Variants in PALM2AKAP2 observed in about 807,000 individuals in gnomAD.
PALM2AKAP2 encodes the protein PALM2 and AKAP2 fusion, also known as PALM2-AKAP2 fusion protein.
Under a neutral mutation model 71.5 loss-of-function variants are expected in PALM2AKAP2, and 37 were observed. The ratio of observed to expected loss-of-function variants is 0.52; its 90% CI spans 0.40 to 0.68. The LOEUF (loss-of-function observed/expected upper bound fraction) is 0.68, where lower values mean the gene tolerates loss of function less well. Among genes scored for constraint, PALM2AKAP2 ranks in the 30% least tolerant of loss-of-function variants. The pLI, the probability that PALM2AKAP2 is intolerant of heterozygous loss-of-function variation, is 0.00. For missense variants in PALM2AKAP2, 1,224 were observed against 1,191.8 expected, an observed-to-expected ratio of 1.03 and a Z score of -0.40; for synonymous variants, 468 against 478.8, an observed-to-expected ratio of 0.98 and a Z score of 0.29.
At chr9:109,780,401 C>T, upstream of PALM2AKAP2, 1 of 1,608,106 alleles carries the variant, frequency 6.2e-7, no homozygotes, top group Non-Finnish European at 8.5e-7. Flanking sequence ...TCTAGCAAAG[C>T]CCCCCGGGGT....
intron 1 of PALM2AKAP2, among the ~76,000 whole-genome samples, chr9:110,091,884 C>T (rs1217321421): frequency 6.6e-6 from 1 of 152,150 alleles, no homozygotes; most frequent in Non-Finnish European, 1.5e-5. Context: ...AAGAACAGTT[C>T]CATGATCCCC....
intron 6 of PALM2AKAP2, among the ~76,000 whole-genome samples, chr9:109,994,056 G>C (rs187023295): frequency 2.3e-3 from 346 of 152,266 alleles, no homozygotes; most frequent in African/African-American, 8.2e-3. Flanking sequence ...TCTCCCTTAA[G>C]GGTAAGGACG....
intron 6 of PALM2AKAP2, among the ~76,000 whole-genome samples, chr9:110,007,526 T>C (rs968807702): frequency 6.6e-6 from 1 of 152,226 alleles, no homozygotes; most frequent in Admixed American, 6.5e-5. Context: ...AGGAGGTCTG[T>C]TCCTAAGCTG....
intron 1 of PALM2AKAP2, chr9:110,090,448 T>C (rs115191042): frequency 5.1e-4 from 232 of 456,732 alleles, no homozygotes; most frequent in African/African-American, 4.1e-3. Context: ...TGTGGACTTT[T>C]GCTTGCTGCA....
chr9:109,937,273 G>T (rs1010405048), intron 6 of PALM2AKAP2, among the ~76,000 whole-genome samples: 5 of 152,134 alleles, frequency 3.3e-5, no homozygotes, highest in Non-Finnish European at 5.9e-5. Context: ...TTCCCCAGAG[G>T]CCTCACACTC....
Position 109,933,826 on chromosome 9 carries a change from C to T in PALM2AKAP2, c.496+1798C>T, listed in dbSNP as rs182134884. Among the ~76,000 whole-genome samples, 33 of 152,272 alleles carry T rather than the reference C, an allele frequency of 2.2e-4. No homozygotes were observed. The East Asian group carries it at 5.4e-3, about 25-fold the overall frequency. ...GCTATGGAAGGAATTGTATTTGTTA[C>T]GATGAACTCCTTTGTCCAGGCTGTT... On this transcript the variant is annotated intron_variant, in intron 6 of 9. Coordinates refer to the PALM2AKAP2 transcript ENST00000302798.
At chr9:109,669,464 A>AGCTGGAAT (rs1257863849) in intron 1 of PALM2AKAP2, among the ~76,000 whole-genome samples, 3 of 152,092 alleles carry the variant, frequency 2.0e-5, no homozygotes, top group African/African-American at 7.2e-5. Flanking sequence ...TCATAAAACT[A>AGCTGGAAT]GCTGGAATGG....
intron 1 of PALM2AKAP2, among the ~76,000 whole-genome samples, chr9:109,670,887 T>G (rs376811432): frequency 6.6e-6 from 1 of 152,244 alleles, no homozygotes; most frequent in Non-Finnish European, 1.5e-5. Context: ...TGAGCCTTTT[T>G]CATATAATTG....
intron 7 of PALM2AKAP2, among the ~76,000 whole-genome samples, chr9:110,035,818 T>G (rs1003652603): frequency 2.1e-5 from 3 of 146,336 alleles, no homozygotes; most frequent in African/African-American, 7.5e-5. Context: ...GTAACATATA[T>G]ATGATATGTT....
intron 6 of PALM2AKAP2, chr9:109,944,105 G>A (rs1187551984): frequency 3.3e-5 from 5 of 152,504 alleles, no homozygotes; most frequent in East Asian, 1.9e-4. Context: ...GCCCATCAGC[G>A]GTTGTCTCTC....
At chr9:110,113,643 C>T (rs1214059506) in intron 1 of PALM2AKAP2, among the ~76,000 whole-genome samples, 3 of 152,070 alleles carry the variant, frequency 2.0e-5, no homozygotes, top group Non-Finnish European at 4.4e-5. Context: ...CCTGCCTCAG[C>T]CTCCCAAGTA....
chr9:109,717,660 G>A (rs980515869), intron 1 of PALM2AKAP2, among the ~76,000 whole-genome samples: 2 of 152,224 alleles, frequency 1.3e-5, no homozygotes, highest in African/African-American at 2.4e-5. Context: ...GCTTTTGAAG[G>A]TTGTGTCTGA....
chr9:110,145,080 A>G (rs1034975362), intron 2 of PALM2AKAP2, among the ~76,000 whole-genome samples: 9 of 152,046 alleles, frequency 5.9e-5, no homozygotes, highest in South Asian at 2.1e-4. Flanking sequence ...TCCCAATCTT[A>G]TGCCCAACCC....
At chr9:109,669,763 T>G (rs147592900) in intron 1 of PALM2AKAP2, among the ~76,000 whole-genome samples, 6 of 152,214 alleles carry the variant, frequency 3.9e-5, no homozygotes, top group African/African-American at 4.8e-5. Context: ...CTTAATCTTT[T>G]TAATGTGCAT....
intron 3 of PALM2AKAP2, among the ~76,000 whole-genome samples, chr9:109,907,327 T>A (rs781538770): frequency 2.3e-4 from 35 of 152,244 alleles, no homozygotes; most frequent in Non-Finnish European, 4.4e-4. Flanking sequence ...TTGATAATGC[T>A]CGATAAACAT....
chr9:110,130,948 C>T (rs1157817052), intron 1 of PALM2AKAP2, among the ~76,000 whole-genome samples: 1 of 152,178 alleles, frequency 6.6e-6, no homozygotes, highest in Non-Finnish European at 1.5e-5. Flanking sequence ...CTATTTCTCA[C>T]CTTAATTATG....
intron 1 of PALM2AKAP2, among the ~76,000 whole-genome samples, chr9:109,760,089 T>C (rs1352652701): frequency 6.6e-6 from 1 of 152,194 alleles, no homozygotes; most frequent in Admixed American, 6.5e-5. Context: ...TGATCACTGA[T>C]TCGATTTTTG....
intron 1 of PALM2AKAP2, among the ~76,000 whole-genome samples, chr9:110,096,644 A>G (rs1302669988): frequency 6.6e-6 from 1 of 152,016 alleles, no homozygotes; most frequent in African/African-American, 2.4e-5. Flanking sequence ...TGTTCTTTTC[A>G]TACTAGCCAG....
At position 109,997,378 on chromosome 9, in the gene PALM2AKAP2, A is replaced by G. The variant is rs139789533; in HGVS notation, c.497-18576A>G. ...AAGGTAATACACATAAAGGCTATAT[A>G]TAGTACATCCTCTGGATAGTCTCGC... On this transcript the variant is annotated intron_variant, in intron 6 of 9. Coordinates refer to the PALM2AKAP2 transcript ENST00000302798. Among the ~76,000 whole-genome samples, 25 of 152,310 alleles carry G rather than the reference A, an allele frequency of 1.6e-4. No individual in the cohort carries two copies. The East Asian group carries it at 3.9e-3, about 24-fold the overall frequency.
Sources: gnomAD v4.1 joint callset for allele counts (sites outside exome capture counted in the v4.1 genomes callset) on GRCh38, gnomAD v4.1.1 for gene constraint, MANE v1.5 for transcripts, NCBI Gene and HGNC (gene_info 2026-07-23, HGNC 2026-07-21) for gene names.